ADAMTS18: variants seen among roughly 807,000 people sequenced by gnomAD.
ADAMTS18 encodes the protein A disintegrin and metalloproteinase with thrombospondin motifs 18.
A neutral mutation model predicts 165.9 loss-of-function variants in ADAMTS18; 157 were observed. The ratio of observed to expected loss-of-function variants is 0.95; its 90% confidence interval spans 0.83 to 1.08. The LOEUF is 1.08. ADAMTS18 is among the 50% of genes least tolerant of loss of function. The pLI is 0.00. For missense variants in ADAMTS18, 2,040 were observed against 1,534.0 expected (o/e 1.33, Z -5.51); for synonymous variants, 782 against 578.2 (o/e 1.35, Z -5.06).
intron 2 of ADAMTS18, among the ~76,000 whole-genome samples, chr16:77,433,114 G>A (rs1364415650): frequency 2.0e-5 from 3 of 152,120 alleles, no homozygotes; most frequent in Non-Finnish European, 4.4e-5. Context: ...CTGATACATT[G>A]CTTTAAAGGG....
At chr16:77,319,709 C>T (rs2055953843) in intron 16 of ADAMTS18, 140 bp downstream of exon 16, 2 of 1,396,974 alleles carry the variant, frequency 1.4e-6, no homozygotes, top group East Asian at 4.6e-5. Flanking sequence ...TCCCAAAGTG[C>T]TGGGATTACA....
rs2057774636 is a variant in ADAMTS18, at chr16:77,434,591, C to A, written c.90+15G>T. 5 of 1,527,308 alleles carry A rather than the reference C, an allele frequency of 3.3e-6. No homozygotes were observed. The highest frequency in any genetic ancestry group is 4.4e-6 in the Non-Finnish European group (5 of 1,142,430). The allele number at this position is 1,527,308 out of a possible 1,614,324, so 94.6% of individuals were successfully genotyped here. A position where few individuals can be genotyped will look rare whatever the true frequency, so the allele number is the denominator to read the frequency against. On this transcript the variant is annotated intron_variant, in intron 1 of 22. Transcript: ENST00000282849. ...CCTGCCACCCGCTCTCGGAGCTCCG[C>A]TCGGCGGCACCTGCCTTGGCCACGC...
chr16:77,322,288 T>C (rs943823202), intron 14 of ADAMTS18, 48 bp downstream of exon 14: 1 of 1,598,046 alleles, frequency 6.3e-7, no homozygotes, highest in South Asian at 1.1e-5. Context: ...CACGATATGA[T>C]AAAACACAAG....
At chr16:77,375,341 C>T (rs2056933896) in intron 3 of ADAMTS18, among the ~76,000 whole-genome samples, 1 of 151,984 alleles carries the variant, frequency 6.6e-6, no homozygotes, top group Non-Finnish European at 1.5e-5. Context: ...AAAATCGCAC[C>T]ACCGCACTCC....
chr16:77,333,974 T>C lies in ADAMTS18; in HGVS notation c.1859+1782A>G, dbSNP rs575904951. 3.5e-3 allele frequency among the ~76,000 whole-genome samples: 436 copies of C among 125,036 alleles called. 7 individuals carry two copies. Among genetic ancestry groups the C allele is most frequent in the African/African-American group, 0.013 (405 of 31,824 alleles). The allele number at this position is 125,036 out of a possible 152,430, so 82.0% of individuals were successfully genotyped here. On this transcript the variant is annotated intron_variant, in intron 12 of 22. Transcript: ENST00000282849. ...CATATATACTATATATAATATAGTG[T>C]CATATATGCTATATATAATATACAG...
chr16:77,314,767 TATATATATATATATATATAA>T (rs1258596579), intron 16 of ADAMTS18, among the ~76,000 whole-genome samples: 1,188 of 81,670 alleles, frequency 0.015, 249 homozygotes, highest in African/African-American at 0.05. Flanking sequence ...TATATATATA[TATATATATATATATATATAA>T]AATATATGTG....
Position 77,374,207 on chromosome 16 carries a change from A to G in ADAMTS18, c.496-6484T>C, listed in dbSNP as rs1298155896. 2.0e-5 allele frequency among the ~76,000 whole-genome samples: 3 copies of G among 149,172 alleles called. No individual in the cohort carries two copies. The Admixed American group carries it at 2.0e-4, about 10-fold the overall frequency. ...ACATTCCAACCTGGGCAACAGAGTG[A>G]GACTCCATCTCAAAAAAAAAAAAAA... is the stretch of plus-strand genomic sequence containing the variant. On this transcript the variant is annotated intron_variant, in intron 3 of 22. Coordinates refer to ENST00000282849, the MANE Select transcript of ADAMTS18 (RefSeq NM_199355.4).
At chr16:77,378,330 AAAACAAAAAC>A (rs1297540841) in intron 3 of ADAMTS18, among the ~76,000 whole-genome samples, 3 of 84,666 alleles carry the variant, frequency 3.5e-5, no homozygotes, top group East Asian at 3.9e-4. Flanking sequence ...CTCAAAAACA[AAAACAAAAAC>A]AAAAAAAAAC....
At chr16:77,310,655 A>G (rs2055763985) in intron 16 of ADAMTS18, among the ~76,000 whole-genome samples, 1 of 151,650 alleles carries the variant, frequency 6.6e-6, no homozygotes, top group Non-Finnish European at 1.5e-5. Flanking sequence ...TTTTGGAGAC[A>G]GGGTCTCTGT....
At chr16:77,355,808 C>T in intron 9 of ADAMTS18, 132 bp downstream of exon 9, 1 of 1,089,830 alleles carries the variant, frequency 9.2e-7, no homozygotes, top group East Asian at 2.4e-5. Flanking sequence ...TCATCATTAT[C>T]ATCATCATTT....
intron 16 of ADAMTS18, among the ~76,000 whole-genome samples, chr16:77,314,692 T>C (rs1597110873): frequency 7.8e-6 from 1 of 128,064 alleles, no homozygotes; most frequent in Non-Finnish European, 1.6e-5. Flanking sequence ...TGATAGATAG[T>C]GCGGGCCTAA....
chr16:77,400,290 C>A (rs2057308695), intron 3 of ADAMTS18, among the ~76,000 whole-genome samples: 1 of 152,088 alleles, frequency 6.6e-6, no homozygotes, highest in African/African-American at 2.4e-5. Flanking sequence ...CGCACCTGTT[C>A]CCCATGCTTT....
At chr16:77,404,369 C>T (rs1388588905) in intron 3 of ADAMTS18, among the ~76,000 whole-genome samples, 2 of 152,224 alleles carry the variant, frequency 1.3e-5, no homozygotes, top group East Asian at 3.9e-4. Context: ...AGGGGGGAAA[C>T]AGATTTTGAG....
At chr16:77,286,869 A>G (rs2055262159) in intron 22 of ADAMTS18, among the ~76,000 whole-genome samples, 2 of 152,134 alleles carry the variant, frequency 1.3e-5, no homozygotes, top group African/African-American at 4.8e-5. Flanking sequence ...TCTGAAGAGA[A>G]TTTTATGTAT....
At chr16:77,371,230 C>G (rs2056871711) in intron 3 of ADAMTS18, among the ~76,000 whole-genome samples, 1 of 135,624 alleles carries the variant, frequency 7.4e-6, no homozygotes, top group Admixed American at 6.8e-5. Flanking sequence ...AAAACAAAAA[C>G]AAAAACAAAA....
chr16:77,336,775 T>C (rs1158908293), intron 11 of ADAMTS18, among the ~76,000 whole-genome samples: 3 of 152,206 alleles, frequency 2.0e-5, no homozygotes, highest in Non-Finnish European at 2.9e-5. Context: ...TCTTTTGTTT[T>C]TGTTTTATTT....
intron 6 of ADAMTS18, 41 bp from the exon 7 acceptor site, chr16:77,362,305 A>C: frequency 1.2e-6 from 2 of 1,606,756 alleles, no homozygotes; most frequent in Non-Finnish European, 1.7e-6. Context: ...AATTTGTCAC[A>C]GAGATGAGAA....
At chr16:77,394,752 C>A (rs2057235020) in intron 3 of ADAMTS18, among the ~76,000 whole-genome samples, 1 of 152,196 alleles carries the variant, frequency 6.6e-6, no homozygotes, top group Non-Finnish European at 1.5e-5. Flanking sequence ...TGGAATTCTA[C>A]AACCCGATAA....
At chr16:77,347,850 C>T (rs1168853910) in intron 10 of ADAMTS18, among the ~76,000 whole-genome samples, 1 of 152,004 alleles carries the variant, frequency 6.6e-6, no homozygotes, top group Non-Finnish European at 1.5e-5. Flanking sequence ...TTTAATTCTG[C>T]CATTTGCTCA....
Sources: gnomAD v4.1 joint callset for allele counts (sites outside exome capture counted in the v4.1 genomes callset) on GRCh38, gnomAD v4.1.1 for gene constraint, MANE v1.5 for transcripts, NCBI Gene and HGNC (gene_info 2026-07-23, HGNC 2026-07-21) for gene names.